BCLAF1: variants seen among roughly 807,000 people sequenced by gnomAD.
The protein encoded by BCLAF1 is bcl-2-associated transcription factor 1.
BCLAF1 carries 10 observed loss-of-function variants against 99.5 expected under a neutral mutation model. The ratio of observed to expected loss-of-function variants is 0.10; its 90% CI spans 0.06 to 0.17. The LOEUF (loss-of-function observed/expected upper bound fraction) is 0.17. BCLAF1 is among the 10% of genes least tolerant of loss of function. The pLI is 1.00. For synonymous variants in BCLAF1, 255 were observed against 370.9 expected, an observed-to-expected ratio of 0.69 and a Z score of 3.59; for missense variants, 636 against 1,105.8, an observed-to-expected ratio of 0.58 and a Z score of 6.02.
At chr6:136,286,838 G>C (rs1785197751) in intron 1 of BCLAF1, among the ~76,000 whole-genome samples, 1 of 152,150 alleles carries the variant, frequency 6.6e-6, no homozygotes, top group South Asian at 2.1e-4. Context: ...CGTGGTGGCA[G>C]GCGCCTGTAA....
rs187653436 is a variant in BCLAF1 at position 136,272,985 on chromosome 6, T to A, written c.1958+97A>T. 11 of 759,370 alleles carry A rather than the reference T, an allele frequency of 1.4e-5. No individual in the cohort carries two copies. In the East Asian group the frequency reaches 2.6e-4, roughly 18 times the overall value. 47.0% of individuals were successfully genotyped at this position (759,370 alleles called of 1,614,324 possible). A position where few individuals can be genotyped will look rare whatever the true frequency, so the allele number is the denominator to read the frequency against. On this transcript the variant is annotated intron_variant, in intron 7 of 12. Coordinates refer to ENST00000531224, the MANE Select transcript of BCLAF1 (RefSeq NM_014739.3). Reference sequence around the variant, plus strand: ...AAGTATAAATGAGGAATAATACTTGTATCAATGACAAAAACAAACTTCCAA... The same window carrying A: ...AAGTATAAATGAGGAATAATACTTGAATCAATGACAAAAACAAACTTCCAA...
intron 2 of BCLAF1, among the ~76,000 whole-genome samples, chr6:136,281,770 T>C (rs936141622): frequency 1.3e-5 from 2 of 152,208 alleles, no homozygotes; most frequent in African/African-American, 4.8e-5. Flanking sequence ...TAATTTCTGT[T>C]AAAGGATTCA....
rs1783808512 is a variant in BCLAF1, at chr6:136,278,335, T to C, written c.546A>G (p.Lys182=). Reference sequence around the variant, plus strand: ...ATGTATCTTTCGGTTCCTCCTGTGATTTACTTTTCAACGGACTCTCTTCTT... The same window carrying C: ...ATGTATCTTTCGGTTCCTCCTGTGACTTACTTTTCAACGGACTCTCTTCTT... The part of the protein sequence containing the change: ...EPQEESPLKS[K]SQEEPKDTFE... The change falls in exon 4 of 13, where the codon AAA becomes AAG. Residue 182 remains lysine, a synonymous_variant. Transcript: ENST00000531224. 1 of 1,614,020 alleles carries C rather than the reference T, an allele frequency of 6.2e-7. No individual in the cohort carries two copies. The highest frequency in any genetic ancestry group is 1.7e-5 in the Admixed American group (1 of 59,990).
intron 1 of BCLAF1, among the ~76,000 whole-genome samples, chr6:136,284,168 G>T (rs1381006225): frequency 8.4e-6 from 1 of 118,812 alleles, no homozygotes; most frequent in Non-Finnish European, 1.6e-5. Context: ...ATCCAGAGAA[G>T]ACCCAACTGC....
At chr6:136,271,849 G>C (rs1782578469) in intron 8 of BCLAF1, 146 bp downstream of exon 8, 3 of 565,030 alleles carry the variant, frequency 5.3e-6, no homozygotes, top group Non-Finnish European at 9.3e-6. Flanking sequence ...CTTCCAGGAA[G>C]AAACAGTATG....
At position 136,277,879 on chromosome 6, in the gene BCLAF1, C is replaced by T. The variant is rs535666935; in HGVS notation, c.1002G>A (p.Gly334=). Residue 334 remains glycine (G), a synonymous_variant, in exon 4 of 13, where the codon GGG becomes GGA. Coordinates refer to ENST00000531224, the MANE Select transcript of BCLAF1 (RefSeq NM_014739.3). ...TTAGTTTTTACCTTTTTAAGAACTT[C>T]CCAGTCTTTGCAGTTTCCTGATCTC... ...DGGDQETAKT[G]KFLKRFTDEE... The T allele has an allele frequency of 1.9e-5, 30 of 1,604,028 alleles. No homozygotes were observed. In the Admixed American group the frequency reaches 2.8e-4, roughly 15 times the overall value.
In BCLAF1 at chr6:136,288,270, G is replaced by A. The variant is rs74299324; in HGVS notation, c.-115+1443C>T. On this transcript the variant is annotated intron_variant, in intron 1 of 12. Coordinates refer to ENST00000531224, the MANE Select transcript of BCLAF1 (RefSeq NM_014739.3). ...GTTTACCATGAGCTACCTTTTTTAA[G>A]TGACAAGGTCTCGCTCTGTTGCCCC... is the stretch of plus-strand genomic sequence containing the variant. 6.6e-5 allele frequency among the ~76,000 whole-genome samples: 10 copies of A among 152,310 alleles called. No homozygotes were observed. The East Asian group carries it at 1.7e-3, about 26-fold the overall frequency.
intron 8 of BCLAF1, 80 bp downstream of exon 8, chr6:136,271,915 G>C: frequency 1.0e-6 from 1 of 963,082 alleles, no homozygotes. Flanking sequence ...TAGACATTTT[G>C]CCTTGAGAAA....
intron 1 of BCLAF1, among the ~76,000 whole-genome samples, chr6:136,286,694 GCGGTGGCTTACAC>G (rs1785177182): frequency 6.6e-6 from 1 of 152,218 alleles, no homozygotes; most frequent in Non-Finnish European, 1.5e-5. Flanking sequence ...TGGGCTGGGT[GCGGTGGCTTACAC>G]CTGTAATCCC....
At position 136,277,766 on chromosome 6, in the gene BCLAF1, C is replaced by G. The variant is rs1484983685; in HGVS notation, c.1016+99G>C. ...TGAAGGAAGTCAAGAGTAAAAACCG[C>G]TAGTTAAATACATATCACAATTTTA... On this transcript the variant is annotated intron_variant, in intron 4 of 12. Transcript: ENST00000531224. 7.3e-6 allele frequency: 10 copies of G among 1,375,886 alleles called. 1 individual carries two copies. The African/African-American group carries it at 1.5e-4, about 20-fold the overall frequency. The allele number at this position is 1,375,886 out of a possible 1,614,324, so 85.2% of individuals were successfully genotyped here.
intron 3 of BCLAF1, chr6:136,279,507 C>G (rs968333229): frequency 4.2e-6 from 1 of 238,848 alleles, no homozygotes; most frequent in African/African-American, 2.2e-5. Flanking sequence ...ACAAAGAAAC[C>G]TACCATACAT....
At chr6:136,287,827 C>CGA (rs1343056513) in intron 1 of BCLAF1, among the ~76,000 whole-genome samples, 17 of 152,288 alleles carry the variant, frequency 1.1e-4, no homozygotes, top group African/African-American at 3.8e-4. Flanking sequence ...GTCAGGAGTT[C>CGA]GAGACCAATA....
chr6:136,275,045 A>C (rs961035313), intron 6 of BCLAF1, among the ~76,000 whole-genome samples: 20 of 152,140 alleles, frequency 1.3e-4, no homozygotes, highest in South Asian at 1.2e-3. Context: ...TTTATGTATA[A>C]AAAATTAAGC....
In BCLAF1 at chr6:136,258,369, G is replaced by C. The variant is rs1013693244; in HGVS notation, c.*2741C>G. ...AACTGTAAAATTTCCCATTTTCCCA[G>C]GGGAGACAAGGGAAAAACAAAAACA... is the stretch of plus-strand genomic sequence containing the variant. On this transcript the variant is annotated 3_prime_UTR_variant, in exon 13 of 13. Transcript: ENST00000531224. 2 of 147,604 alleles carry C rather than the reference G, an allele frequency of 1.4e-5. No individual in the cohort carries two copies. Among genetic ancestry groups the C allele is most frequent in the Non-Finnish European group, 3.0e-5 (2 of 67,004 alleles). 9.1% of individuals were successfully genotyped at this position (147,604 alleles called of 1,614,324 possible).
chr6:136,269,417 T>G lies in BCLAF1; in HGVS notation c.2219+20A>C. On this transcript the variant is annotated intron_variant, in intron 9 of 12. Coordinates refer to ENST00000531224, the MANE Select transcript of BCLAF1 (RefSeq NM_014739.3). ...GCTAATTAGAAGCTAAAACCTATCT[T>G]AGTCAGTTTGAACAATTACCTGTCA... is the stretch of plus-strand genomic sequence containing the variant. The G allele has an allele frequency of 6.3e-7, 1 of 1,599,476 alleles. No homozygotes were observed. Among genetic ancestry groups the G allele is most frequent in the Non-Finnish European group, 8.5e-7 (1 of 1,173,754 alleles).
chr6:136,273,463 C>T (rs896221882), intron 6 of BCLAF1: 2 of 299,184 alleles, frequency 6.7e-6, no homozygotes, highest in East Asian at 6.8e-5. Context: ...TTCATTAATA[C>T]ACTACTTCCT....
intron 8 of BCLAF1, 87 bp downstream of exon 8, chr6:136,271,908 A>G (rs1210439332): frequency 4.5e-6 from 4 of 883,840 alleles, no homozygotes; most frequent in African/African-American, 3.4e-5. Flanking sequence ...ATATCTATAG[A>G]CATTTTGCCT....
intron 8 of BCLAF1, among the ~76,000 whole-genome samples, chr6:136,271,134 C>A (rs952076422): frequency 2.0e-5 from 3 of 151,684 alleles, no homozygotes; most frequent in African/African-American, 7.3e-5. Flanking sequence ...AATTATTCAA[C>A]AACTCTGCAA....
intron 8 of BCLAF1, among the ~76,000 whole-genome samples, chr6:136,270,113 C>T (rs1782302836): frequency 6.6e-6 from 1 of 151,322 alleles, no homozygotes; most frequent in Non-Finnish European, 1.5e-5. Context: ...TCTGACCAAC[C>T]CAATAAAAAA....
Sources: allele counts gnomAD v4.1 joint callset (sites outside exome capture counted in the v4.1 genomes callset), GRCh38; gene constraint gnomAD v4.1.1; transcripts MANE v1.5; gene names NCBI Gene and HGNC (gene_info 2026-07-23, HGNC 2026-07-21).